EIF3H: variants seen among roughly 807,000 people sequenced by gnomAD.
EIF3H encodes eIF-3-gamma.
A neutral mutation model predicts 44.2 loss-of-function variants in EIF3H; 26 were observed. The observed-to-expected ratio is 0.59, with a 90% confidence interval of 0.43 to 0.82. The LOEUF (loss-of-function observed/expected upper bound fraction) is 0.82, where lower values mean the gene tolerates loss of function less well. Ranked by LOEUF, EIF3H falls within the 40% of genes least tolerant of loss-of-function variation. EIF3H has a pLI of 0.00. For synonymous variants in EIF3H, 166 were observed against 151.9 expected (o/e 1.09, Z -0.68); for missense variants, 359 against 432.8 (o/e 0.83, Z 1.51).
chr8:116,741,046 C>CT (rs1245743964), intron 1 of EIF3H, among the ~76,000 whole-genome samples: 1 of 152,146 alleles, frequency 6.6e-6, no homozygotes, highest in African/African-American at 2.4e-5. Context: ...CACCTCTTCT[C>CT]TTTTTTCCTT....
chr8:116,735,544 G>A (rs972024366), intron 1 of EIF3H, among the ~76,000 whole-genome samples: 24 of 152,132 alleles, frequency 1.6e-4, no homozygotes, highest in African/African-American at 5.8e-4. Flanking sequence ...CTGCAGCACA[G>A]GTTGAGTATC....
chr8:116,710,331 T>G (rs1814552642), intron 2 of EIF3H, among the ~76,000 whole-genome samples: 1 of 152,186 alleles, frequency 6.6e-6, no homozygotes. Context: ...TCAGTGATAT[T>G]TAATAAGAAC....
intron 2 of EIF3H, among the ~76,000 whole-genome samples, chr8:116,686,221 A>T (rs537511017): frequency 7.2e-5 from 11 of 152,274 alleles, no homozygotes; most frequent in African/African-American, 2.4e-4. Context: ...GCTACTCATG[A>T]AGCTTATTTT....
chr8:116,709,140 G>T (rs1328359891), intron 2 of EIF3H, among the ~76,000 whole-genome samples: 1 of 151,994 alleles, frequency 6.6e-6, no homozygotes, highest in Non-Finnish European at 1.5e-5. Flanking sequence ...AACCCAGCTG[G>T]CTCAGGCTTA....
chr8:116,759,333 G>A (rs940645802), upstream of EIF3H, among the ~76,000 whole-genome samples: 1 of 152,144 alleles, frequency 6.6e-6, no homozygotes, highest in Non-Finnish European at 1.5e-5. Flanking sequence ...TTACTGCCTG[G>A]GGACAGGAAG....
rs575328812 is a variant in EIF3H, at chr8:116,714,584, T to C, written c.289+11432A>G. ...AAACATTTTATTATACCTCCACACT[T>C]GACCACAACGATATGAGGTCACTAG... is the stretch of plus-strand genomic sequence containing the variant. On this transcript the variant is annotated intron_variant, in intron 2 of 7. Coordinates refer to ENST00000521861, the MANE Select transcript of EIF3H (RefSeq NM_003756.3). Among the ~76,000 whole-genome samples the C allele has an allele frequency of 7.0e-4, 106 of 152,204 alleles. No homozygotes were observed. In the Middle Eastern group the frequency reaches 0.01, roughly 15 times the overall value.
At position 116,657,197 on chromosome 8, in the gene EIF3H, A is replaced by G; in HGVS notation, c.557+18T>C. On this transcript the variant is annotated intron_variant, in intron 4 of 7. Transcript: ENST00000521861. ...AGAAAAATACCCAACCCTTTACCAG[A>G]TGCCCCCAAACACTTACGCTTCAGG... 1 of 1,581,356 alleles carries G rather than the reference A, an allele frequency of 6.3e-7. No homozygotes were observed.
upstream of EIF3H, chr8:116,755,905 G>T: frequency 6.4e-7 from 1 of 1,553,436 alleles, no homozygotes; most frequent in Non-Finnish European, 8.7e-7. Context: ...GAGACGGAAG[G>T]AGAAGCCAAA....
At chr8:116,656,055 T>C in intron 4 of EIF3H, 50 bp from the exon 5 acceptor site, 2 of 1,561,034 alleles carry the variant, frequency 1.3e-6, no homozygotes, top group Non-Finnish European at 1.7e-6. Flanking sequence ...AAGTAAGTGC[T>C]AAACTGACTA....
At chr8:116,750,448 C>T (rs1300331688) in intron 1 of EIF3H, among the ~76,000 whole-genome samples, 3 of 141,668 alleles carry the variant, frequency 2.1e-5, no homozygotes, top group Non-Finnish European at 4.5e-5. Flanking sequence ...CTCGCTCTGT[C>T]GCCCAATCTG....
rs1184692216 is a variant in EIF3H, at chr8:116,750,406, T to TC, written c.132+5259_132+5260insG. ...TCTAGGTCTGTCTTTAGCATGACTT[T>TC]TTTTTTTTTTTTTTTTTTTCTGAGA... is the stretch of plus-strand genomic sequence containing the variant. On this transcript the variant is annotated intron_variant, in intron 1 of 7. Transcript: ENST00000521861. 2.7e-3 allele frequency among the ~76,000 whole-genome samples: 393 copies of TC among 147,894 alleles called. 3 individuals are homozygous for TC. Among genetic ancestry groups the TC allele is most frequent in the African/African-American group, 9.7e-3 (389 of 40,026 alleles).
intron 2 of EIF3H, among the ~76,000 whole-genome samples, chr8:116,715,341 G>GAA (rs35579703): frequency 3.4e-5 from 5 of 147,964 alleles, no homozygotes; most frequent in East Asian, 1.9e-4. Flanking sequence ...TACTGAAAAT[G>GAA]AAAAAAAAAC....
rs1324250832 is a variant in EIF3H, at chr8:116,752,731, A to AGAAAGAAG, written c.132+2934_132+2935insCTTCTTTC. On this transcript the variant is annotated intron_variant, in intron 1 of 7. Transcript: ENST00000521861. ...AAGAAAGAAAGAAAGAAAGAAAGAAAGAAGAGAAAGAAAGAAAGAAAGAGG... is the reference window on the plus strand; with the variant it reads ...AAGAAAGAAAGAAAGAAAGAAAGAAAGAAAGAAGGAAGAGAAAGAAAGAAAGAAAGAGG... 5.6e-4 allele frequency among the ~76,000 whole-genome samples: 67 copies of AGAAAGAAG among 120,702 alleles called. 2 individuals are homozygous for AGAAAGAAG. The highest frequency in any genetic ancestry group is 1.8e-3 in the African/African-American group (60 of 33,238). The allele number at this position is 120,702 out of a possible 152,430, so 79.2% of individuals were successfully genotyped here. A position where few individuals can be genotyped will look rare whatever the true frequency, so the allele number is the denominator to read the frequency against.
At chr8:116,646,056 C>G (rs999724017) in intron 7 of EIF3H, among the ~76,000 whole-genome samples, 23 of 152,146 alleles carry the variant, frequency 1.5e-4, no homozygotes, top group African/African-American at 5.6e-4. Flanking sequence ...ATTTGTGCTG[C>G]CACAATTTAA....
intron 1 of EIF3H, among the ~76,000 whole-genome samples, chr8:116,726,848 G>C (rs967162720): frequency 2.0e-5 from 3 of 152,108 alleles, no homozygotes; most frequent in African/African-American, 7.2e-5. Flanking sequence ...TGCACAGGTG[G>C]ACAAGAAATT....
At chr8:116,762,493 G>T (rs546270434) in intron 1 of EIF3H, among the ~76,000 whole-genome samples, 1 of 152,190 alleles carries the variant, frequency 6.6e-6, no homozygotes, top group Non-Finnish European at 1.5e-5. Flanking sequence ...CAGGGAGTAG[G>T]AAGGAAGGAG....
intron 1 of EIF3H, among the ~76,000 whole-genome samples, chr8:116,746,657 G>C (rs533286599): frequency 6.6e-5 from 10 of 152,232 alleles, no homozygotes; most frequent in Admixed American, 4.6e-4. Context: ...ATACTAGTCC[G>C]CCCAGTTCCT....
intron 2 of EIF3H, among the ~76,000 whole-genome samples, chr8:116,694,523 CTAA>C (rs1488375475): frequency 6.6e-6 from 1 of 152,130 alleles, no homozygotes; most frequent in Non-Finnish European, 1.5e-5. Context: ...TTTGCCAGTG[CTAA>C]ATTGCGATAA....
At chr8:116,733,164 T>C (rs190914363) in intron 1 of EIF3H, among the ~76,000 whole-genome samples, 1 of 152,150 alleles carries the variant, frequency 6.6e-6, no homozygotes, top group Non-Finnish European at 1.5e-5. Context: ...ATAAAGGACA[T>C]GACAAAGGAC....
Sources: gnomAD v4.1 joint callset for allele counts (sites outside exome capture counted in the v4.1 genomes callset) on GRCh38, gnomAD v4.1.1 for gene constraint, MANE v1.5 for transcripts, NCBI Gene and HGNC (gene_info 2026-07-23, HGNC 2026-07-21) for gene names.